VAPB: variants seen among roughly 807,000 people sequenced by gnomAD.
The protein encoded by VAPB is vesicle-associated membrane protein-associated protein B/C.
In VAPB, 7 loss-of-function variants were observed where a neutral mutation model predicts 25.6. That is an observed-to-expected ratio of 0.27 (90% CI 0.16 to 0.51). The LOEUF is 0.51. Ranked by LOEUF, VAPB falls within the 20% of genes least tolerant of loss-of-function variation. The probability of loss-of-function intolerance (pLI) is 0.97; values close to 1 mark genes in which losing one functional copy is unlikely to be tolerated. For missense variants in VAPB, 266 were observed against 301.3 expected, an observed-to-expected ratio of 0.88 and a Z score of 0.87; for synonymous variants, 112 against 109.2, an observed-to-expected ratio of 1.03 and a Z score of -0.16.
chr20:58,414,282 C>A (rs1235106649), intron 1 of VAPB, among the ~76,000 whole-genome samples: 1 of 147,534 alleles, frequency 6.8e-6, no homozygotes, highest in Non-Finnish European at 1.5e-5. Flanking sequence ...GCTGACCCCC[C>A]CACCTCCCTC....
chr20:58,431,102 A>G (rs888711972), intron 2 of VAPB: 18 of 152,224 alleles, frequency 1.2e-4, no homozygotes, highest in African/African-American at 3.9e-4. Context: ...TACTTTCTTC[A>G]AGGTTATTAG....
At chr20:58,408,904 C>T (rs1988305133) in intron 1 of VAPB, among the ~76,000 whole-genome samples, 1 of 122,988 alleles carries the variant, frequency 8.1e-6, no homozygotes, top group Non-Finnish European at 1.8e-5. Flanking sequence ...CCCCCCCCCA[C>T]CCCGCCCCCC....
intron 2 of VAPB, among the ~76,000 whole-genome samples, chr20:58,426,522 T>C (rs545618383): frequency 6.6e-6 from 1 of 152,014 alleles, no homozygotes; most frequent in Admixed American, 6.6e-5. Flanking sequence ...TGTAAGGACA[T>C]AGGGGCATGA....
chr20:58,437,553 C>CT (rs1989075784), intron 3 of VAPB, among the ~76,000 whole-genome samples: 1 of 152,198 alleles, frequency 6.6e-6, no homozygotes, highest in African/African-American at 2.4e-5. Context: ...TCATCTGATA[C>CT]TTTGAGACCA....
At chr20:58,391,175 G>T (rs1987786129) in intron 1 of VAPB, among the ~76,000 whole-genome samples, 1 of 152,102 alleles carries the variant, frequency 6.6e-6, no homozygotes, top group African/African-American at 2.4e-5. Flanking sequence ...ATAATTGGTG[G>T]GTTCATTCGG....
intron 1 of VAPB, among the ~76,000 whole-genome samples, chr20:58,394,974 A>G (rs566277265): frequency 1.3e-5 from 2 of 152,308 alleles, no homozygotes; most frequent in Admixed American, 1.3e-4. Flanking sequence ...GTTTCCTTCA[A>G]ATGCTGAAGG....
chr20:58,445,684 C>CTGTGTGTGTGTGTG lies in VAPB; in HGVS notation c.*1473_*1486dup. Reference sequence around the variant, plus strand: ...GAAATACGTGTTTCATGATTTAACTCTGTGTGTGTGTGTGTGTGTGTGTGT... The same window carrying CTGTGTGTGTGTGTG: ...GAAATACGTGTTTCATGATTTAACTCTGTGTGTGTGTGTGTGTGTGTGTGTGTGTGTGTGTGTGT... On this transcript the variant is annotated 3_prime_UTR_variant, in exon 6 of 6. Transcript: ENST00000475243. 2.3e-6 allele frequency: 1 copy of CTGTGTGTGTGTGTG among 431,946 alleles called. No individual in the cohort carries two copies. Among genetic ancestry groups the CTGTGTGTGTGTGTG allele is most frequent in the East Asian group, 7.2e-5 (1 of 13,850 alleles). 26.8% of individuals were successfully genotyped at this position (431,946 alleles called of 1,614,324 possible). A position where few individuals can be genotyped will look rare whatever the true frequency, so the allele number is the denominator to read the frequency against.
chr20:58,420,129 G>A (rs1274883126), intron 2 of VAPB, among the ~76,000 whole-genome samples: 1 of 152,072 alleles, frequency 6.6e-6, no homozygotes, highest in Non-Finnish European at 1.5e-5. Flanking sequence ...AGGATTACAG[G>A]TGCGTGCCAC....
intron 1 of VAPB, among the ~76,000 whole-genome samples, chr20:58,413,475 C>A (rs191289154): frequency 3.9e-5 from 6 of 152,146 alleles, no homozygotes; most frequent in African/African-American, 1.2e-4. Context: ...GTAAGGTCAC[C>A]GATCAACAGG....
rs1220301753 is a variant in VAPB at position 58,446,006 on chromosome 20, G to C, written c.*1771G>C. 4.4e-6 allele frequency: 2 copies of C among 453,912 alleles called. No individual in the cohort carries two copies. Among genetic ancestry groups the C allele is most frequent in the African/African-American group, 4.0e-5 (2 of 49,968 alleles). 28.1% of individuals were successfully genotyped at this position (453,912 alleles called of 1,614,324 possible). A position where few individuals can be genotyped will look rare whatever the true frequency, so the allele number is the denominator to read the frequency against. On this transcript the variant is annotated 3_prime_UTR_variant, in exon 6 of 6. Coordinates refer to ENST00000475243, the MANE Select transcript of VAPB (RefSeq NM_004738.5). ...GCCTGGCTCTGTCAAGCTGGGTCAG[G>C]GGCCTTGAAACTGGAGAAGTGGAAG...
chr20:58,433,552 C>G (rs1380967966), intron 2 of VAPB, among the ~76,000 whole-genome samples: 2 of 152,156 alleles, frequency 1.3e-5, no homozygotes, highest in African/African-American at 4.8e-5. Context: ...AACTTAGGTC[C>G]CCACACCAAC....
intron 3 of VAPB, among the ~76,000 whole-genome samples, chr20:58,435,510 C>T (rs1300154108): frequency 3.3e-5 from 5 of 152,180 alleles, no homozygotes; most frequent in African/African-American, 1.2e-4. Context: ...CAAAGGGGAG[C>T]CCCGAGTCAT....
In VAPB at chr20:58,444,518, G is replaced by C; in HGVS notation, c.*283G>C. 1.8e-6 allele frequency: 1 copy of C among 558,224 alleles called. No homozygotes were observed. The allele number at this position is 558,224 out of a possible 1,614,324, so 34.6% of individuals were successfully genotyped here. A position where few individuals can be genotyped will look rare whatever the true frequency, so the allele number is the denominator to read the frequency against. On this transcript the variant is annotated 3_prime_UTR_variant, in exon 6 of 6. Coordinates refer to ENST00000475243, the MANE Select transcript of VAPB (RefSeq NM_004738.5). ...ATGAGTAATGCCACAATGGCATATTGTAAATGTCATTTTAAACATTGGTAG... is the reference window on the plus strand; with the variant it reads ...ATGAGTAATGCCACAATGGCATATTCTAAATGTCATTTTAAACATTGGTAG...
intron 1 of VAPB, among the ~76,000 whole-genome samples, chr20:58,411,816 C>CT (rs1988387879): frequency 6.6e-6 from 1 of 152,264 alleles, no homozygotes; most frequent in South Asian, 2.1e-4. Flanking sequence ...GTAGCTGGGA[C>CT]TACAGGTGCC....
chr20:58,413,155 T>TTA (rs1555812249), intron 1 of VAPB, among the ~76,000 whole-genome samples: 5 of 139,214 alleles, frequency 3.6e-5, no homozygotes, highest in African/African-American at 8.0e-5. Context: ...TTTTTTTTTT[T>TTA]AATTTATTTT....
At chr20:58,428,580 AGTTG>A (rs1988859649) in intron 2 of VAPB, among the ~76,000 whole-genome samples, 1 of 152,180 alleles carries the variant, frequency 6.6e-6, no homozygotes, top group Non-Finnish European at 1.5e-5. Flanking sequence ...TGAGCCCAGG[AGTTG>A]GAGGCCAGTC....
Position 58,444,611 on chromosome 20 carries a change from CT to C in VAPB, c.*378del. On this transcript the variant is annotated 3_prime_UTR_variant, in exon 6 of 6. Coordinates refer to ENST00000475243, the MANE Select transcript of VAPB (RefSeq NM_004738.5). ...CCTTCCTCGCCTGTTGGTGCTGGCC[CT>C]TGGGGAGCTGGAGCCCAGCATGCTG... 2.2e-6 allele frequency: 1 copy of C among 456,098 alleles called. No homozygotes were observed. Among genetic ancestry groups the C allele is most frequent in the Non-Finnish European group, 4.4e-6 (1 of 228,128 alleles). 28.3% of individuals were successfully genotyped at this position (456,098 alleles called of 1,614,324 possible).
intron 2 of VAPB, among the ~76,000 whole-genome samples, chr20:58,430,654 C>T (rs1357745730): frequency 2.0e-5 from 3 of 151,882 alleles, no homozygotes; most frequent in African/African-American, 7.3e-5. Context: ...TGGCTCACTG[C>T]AATCTCCACC....
rs6015274 is a variant in VAPB, at chr20:58,449,485, T to C, written c.*5250T>C. ...GAATTAGTTTATTAGAAAATGTCTG[T>C]GTTAAATCCGTAGAAAAGGAAGAAA... On this transcript the variant is annotated 3_prime_UTR_variant, in exon 6 of 6. Coordinates refer to ENST00000475243, the MANE Select transcript of VAPB (RefSeq NM_004738.5). 0.46 allele frequency: 209,911 copies of C among 452,594 alleles called. 50,110 individuals are homozygous for C. The highest frequency in any genetic ancestry group is 0.58 in the East Asian group (8,382 of 14,362). The allele number at this position is 452,594 out of a possible 1,614,324, so 28.0% of individuals were successfully genotyped here. A position where few individuals can be genotyped will look rare whatever the true frequency, so the allele number is the denominator to read the frequency against.
Sources: allele counts gnomAD v4.1 joint callset (sites outside exome capture counted in the v4.1 genomes callset), GRCh38; gene constraint gnomAD v4.1.1; transcripts MANE v1.5; gene names NCBI Gene and HGNC (gene_info 2026-07-23, HGNC 2026-07-21).